CAMK2D: variants seen among roughly 807,000 people sequenced by gnomAD.
CAMK2D encodes calcium/calmodulin dependent protein kinase II delta.
CAMK2D carries 37 observed loss-of-function variants against 84.0 expected under a neutral mutation model. That is an observed-to-expected ratio of 0.44 (90% CI 0.34 to 0.58). The LOEUF is 0.58. CAMK2D is among the 20% of genes least tolerant of loss of function. The pLI is 0.02. For synonymous variants in CAMK2D, 202 were observed against 212.5 expected, an observed-to-expected ratio of 0.95 and a Z score of 0.43; for missense variants, 448 against 652.5, an observed-to-expected ratio of 0.69 and a Z score of 3.41.
chr4:113,553,366 C>T lies in CAMK2D; in HGVS notation c.276-1270G>A, dbSNP rs187799915. On this transcript the variant is annotated intron_variant, in intron 4 of 20. Coordinates refer to ENST00000511664, the MANE Select transcript of CAMK2D (RefSeq NM_001321571.2). Reference sequence around the variant, plus strand: ...AGAAGGCATGAGTCATTTGGAAAAGCATCAAGTAAAGGTATAGAGCTTCAT... The same window carrying T: ...AGAAGGCATGAGTCATTTGGAAAAGTATCAAGTAAAGGTATAGAGCTTCAT... Among the ~76,000 whole-genome samples, 235 of 152,224 alleles carry T rather than the reference C, an allele frequency of 1.5e-3. 2 individuals carry two copies. The highest frequency in any genetic ancestry group is 5.4e-3 in the African/African-American group (225 of 41,542).
intron 2 of CAMK2D, among the ~76,000 whole-genome samples, chr4:113,666,844 AAGCTGCTG>A (rs983327004): frequency 2.6e-4 from 40 of 152,212 alleles, no homozygotes; most frequent in Admixed American, 3.3e-4. Flanking sequence ...TTGTCAGCTT[AAGCTGCTG>A]AGCTGCTGAG....
intron 4 of CAMK2D, among the ~76,000 whole-genome samples, chr4:113,577,944 G>C (rs1419932567): frequency 6.6e-6 from 1 of 151,996 alleles, no homozygotes; most frequent in African/African-American, 2.4e-5. Context: ...ACCACTATGA[G>C]CCACATATGG....
chr4:113,471,325 C>T (rs1014059358), intron 16 of CAMK2D, among the ~76,000 whole-genome samples: 1 of 152,142 alleles, frequency 6.6e-6, no homozygotes, highest in Non-Finnish European at 1.5e-5. Flanking sequence ...CAATCTCATT[C>T]ACTCCTCTGG....
intron 2 of CAMK2D, among the ~76,000 whole-genome samples, chr4:113,667,925 T>C (rs1175055403): frequency 3.3e-5 from 5 of 152,190 alleles, no homozygotes; most frequent in African/African-American, 4.8e-5. Context: ...GAATTAGATA[T>C]AGATGCTGAA....
chr4:113,734,005 T>C (rs1299675977), intron 2 of CAMK2D, among the ~76,000 whole-genome samples: 8 of 152,216 alleles, frequency 5.3e-5, no homozygotes, highest in Admixed American at 4.6e-4. Context: ...GAAAACATTA[T>C]TTCCATGTTA....
intron 9 of CAMK2D, among the ~76,000 whole-genome samples, chr4:113,516,423 T>C (rs2098284106): frequency 6.6e-6 from 1 of 152,098 alleles, no homozygotes; most frequent in Non-Finnish European, 1.5e-5. Context: ...ATGAAAGCAT[T>C]CCTCTAGGTA....
At chr4:113,552,008 CT>C in intron 5 of CAMK2D, 22 bp downstream of exon 5, 1 of 1,294,358 alleles carries the variant, frequency 7.7e-7, no homozygotes, top group Admixed American at 1.9e-5. Flanking sequence ...AGTCTTGTAT[CT>C]TGCCCAGGGC....
chr4:113,648,816 T>C (rs1339628942), intron 3 of CAMK2D, among the ~76,000 whole-genome samples: 1 of 152,174 alleles, frequency 6.6e-6, no homozygotes, highest in Non-Finnish European at 1.5e-5. Context: ...GAAGCTTATA[T>C]CTTCTGCCAA....
In CAMK2D at chr4:113,709,752, T is replaced by TAC. The variant is rs200276127; in HGVS notation, c.161-47981_161-47980insGT. Among the ~76,000 whole-genome samples, 845 of 93,066 alleles carry TAC rather than the reference T, an allele frequency of 9.1e-3. 50 individuals carry two copies. Among genetic ancestry groups the TAC allele is most frequent in the East Asian group, 0.039 (102 of 2,648 alleles). 61.1% of individuals were successfully genotyped at this position (93,066 alleles called of 152,430 possible). On this transcript the variant is annotated intron_variant, in intron 2 of 20. Coordinates refer to ENST00000511664, the MANE Select transcript of CAMK2D (RefSeq NM_001321571.2). ...AAAGCTAAAAGCCGTGAACGATATA[T>TAC]ATATATATATATATATATATATATA... is the stretch of plus-strand genomic sequence containing the variant.
At chr4:113,508,959 T>G (rs916457509) in intron 13 of CAMK2D, among the ~76,000 whole-genome samples, 2 of 152,236 alleles carry the variant, frequency 1.3e-5, no homozygotes, top group African/African-American at 2.4e-5. Context: ...AACATCATTA[T>G]GTACCATAAG....
At chr4:113,703,923 CT>C (rs11460715) in intron 2 of CAMK2D, among the ~76,000 whole-genome samples, 2,770 of 129,344 alleles carry the variant, frequency 0.021, 89 homozygotes, top group African/African-American at 0.071. Flanking sequence ...TTCTTATGAC[CT>C]TTTTTTTTTT....
intron 16 of CAMK2D, among the ~76,000 whole-genome samples, chr4:113,495,871 T>C (rs916626705): frequency 6.6e-6 from 1 of 152,038 alleles, no homozygotes; most frequent in Non-Finnish European, 1.5e-5. Context: ...AGTGAGATAC[T>C]GGAAACAGGA....
chr4:113,548,611 A>G, intron 5 of CAMK2D: 1 of 1,008,808 alleles, frequency 9.9e-7, no homozygotes, highest in Non-Finnish European at 1.5e-6. Context: ...CCCAGAAAAA[A>G]AAATAAAACT....
chr4:113,712,578 C>A (rs1185773304), intron 2 of CAMK2D, among the ~76,000 whole-genome samples: 1 of 152,026 alleles, frequency 6.6e-6, no homozygotes, highest in Non-Finnish European at 1.5e-5. Context: ...AAGGCACTAG[C>A]TACAGTGATC....
chr4:113,740,775 A>G (rs1412831276), intron 2 of CAMK2D, among the ~76,000 whole-genome samples: 1 of 151,940 alleles, frequency 6.6e-6, no homozygotes, highest in Non-Finnish European at 1.5e-5. Context: ...CATCCTTCTC[A>G]CTATTTCTAA....
intron 4 of CAMK2D, among the ~76,000 whole-genome samples, chr4:113,560,357 GC>G (rs1271584310): frequency 6.6e-6 from 1 of 151,550 alleles, no homozygotes; most frequent in Non-Finnish European, 1.5e-5. Flanking sequence ...TGTGAGCTTT[GC>G]CCATGCTAAT....
chr4:113,754,664 C>T, intron 2 of CAMK2D: 1 of 975,616 alleles, frequency 1.0e-6, no homozygotes, highest in Non-Finnish European at 1.2e-6. Flanking sequence ...CTATTATTTC[C>T]TGGAAGTGTG....
intron 4 of CAMK2D, among the ~76,000 whole-genome samples, chr4:113,579,130 C>T (rs1419409252): frequency 6.6e-6 from 1 of 152,172 alleles, no homozygotes; most frequent in Admixed American, 6.5e-5. Flanking sequence ...AGTTTAAAAA[C>T]TATATTCCAC....
At chr4:113,599,206 T>G (rs146989280) in intron 4 of CAMK2D, among the ~76,000 whole-genome samples, 1 of 152,174 alleles carries the variant, frequency 6.6e-6, no homozygotes, top group Non-Finnish European at 1.5e-5. Context: ...GGAGACAGTA[T>G]GGAGCAACAG....
Sources: gnomAD v4.1 joint callset for allele counts (sites outside exome capture counted in the v4.1 genomes callset) on GRCh38, gnomAD v4.1.1 for gene constraint, MANE v1.5 for transcripts, NCBI Gene and HGNC (gene_info 2026-07-23, HGNC 2026-07-21) for gene names.